The following MYO18B variants were observed in gnomAD, a reference collection of about 807,000 sequenced individuals.
The protein encoded by MYO18B is myosin XVIIIB, also known as unconventional myosin-XVIIIb.
A neutral mutation model predicts 273.0 loss-of-function variants in MYO18B; 204 were observed. The ratio of observed to expected loss-of-function variants is 0.75; its 90% CI spans 0.67 to 0.84. The LOEUF (loss-of-function observed/expected upper bound fraction) is 0.84, where lower values mean the gene tolerates loss of function less well. Among genes scored for constraint, MYO18B ranks in the 40% least tolerant of loss-of-function variants. The pLI is 0.00. For missense variants in MYO18B, 3,212 were observed against 3,287.6 expected, an observed-to-expected ratio of 0.98 and a Z score of 0.56; for synonymous variants, 1,330 against 1,305.7, an observed-to-expected ratio of 1.02 and a Z score of -0.40.
the MYO18B span, among the ~76,000 whole-genome samples, chr22:26,044,638 A>G: frequency 2.0e-5 from 3 of 152,230 alleles, no homozygotes; most frequent in Admixed American, 6.5e-5. Flanking sequence ...TCACTCATGT[A>G]TCTACTTCTT....
In MYO18B at chr22:25,777,784, A is replaced by G. The variant is rs1358655428; in HGVS notation, c.2068+3A>G. ...CAGTGTGGATGGCAGGGTCTCAGGT[A>G]TGGTGGTCTCTAGGTGACATGGAGA... On this transcript the variant is annotated splice_donor_region_variant and intron_variant, in intron 8 of 43. Coordinates refer to ENST00000335473, the MANE Select transcript of MYO18B (RefSeq NM_032608.7). 4 of 1,588,468 alleles carry G rather than the reference A, an allele frequency of 2.5e-6. No homozygotes were observed. Among genetic ancestry groups the G allele is most frequent in the Admixed American group, 1.8e-5 (1 of 57,024 alleles).
intron 1 of MYO18B, among the ~76,000 whole-genome samples, chr22:25,755,824 G>A (rs1034162635): frequency 2.0e-5 from 3 of 152,280 alleles, no homozygotes; most frequent in African/African-American, 7.2e-5. Context: ...AGCTCCCTGA[G>A]GCCTCAGCAG....
rs759233404 is a variant in MYO18B, at chr22:25,902,566, C to G, written c.4824-47C>G. On this transcript the variant is annotated intron_variant, in intron 29 of 43. Coordinates refer to ENST00000335473, the MANE Select transcript of MYO18B (RefSeq NM_032608.7). ...CCCTGCCCCTGCCTCAATCACTCCC[C>G]TGCCCACCTGCCTACGGGGCCCTGA... 1.1e-5 allele frequency: 17 copies of G among 1,578,146 alleles called. No homozygotes were observed. The South Asian group carries it at 2.0e-4, about 19-fold the overall frequency.
intron 39 of MYO18B, among the ~76,000 whole-genome samples, chr22:25,982,086 C>A (rs2093154629): frequency 6.6e-6 from 1 of 152,128 alleles, no homozygotes; most frequent in African/African-American, 2.4e-5. Context: ...GCTACCAGAT[C>A]TTATGAGATC....
the MYO18B span, among the ~76,000 whole-genome samples, chr22:26,059,106 G>A: frequency 4.0e-4 from 61 of 152,302 alleles, no homozygotes; most frequent in East Asian, 8.5e-3. Context: ...CAAAACCTTT[G>A]GGACTGTTTC....
rs1338277588 is a variant in MYO18B at position 25,742,229 on chromosome 22, G to A, written c.-174G>A. On this transcript the variant is annotated 5_prime_UTR_variant, in exon 1 of 44. Coordinates refer to ENST00000335473, the MANE Select transcript of MYO18B (RefSeq NM_032608.7). ...TTTCCCGGCTCGGTGGGGTCCCTTC[G>A]CGGCCACCCGGGGAGACGTCTTAGA... 6.6e-6 allele frequency: 1 copy of A among 152,442 alleles called. No homozygotes were observed. The highest frequency in any genetic ancestry group is 1.5e-5 in the Non-Finnish European group (1 of 68,302). The allele number at this position is 152,442 out of a possible 1,614,324, so 9.4% of individuals were successfully genotyped here. A position where few individuals can be genotyped will look rare whatever the true frequency, so the allele number is the denominator to read the frequency against.
intron 42 of MYO18B, among the ~76,000 whole-genome samples, chr22:26,010,427 A>G (rs989213774): frequency 6.6e-5 from 10 of 152,186 alleles, no homozygotes; most frequent in African/African-American, 2.4e-4. Context: ...GGGCCTGGAA[A>G]ACATACTTCA....
intron 17 of MYO18B, among the ~76,000 whole-genome samples, chr22:25,840,337 G>T (rs2090046292): frequency 6.6e-6 from 1 of 152,222 alleles, no homozygotes; most frequent in Non-Finnish European, 1.5e-5. Context: ...AGCTCCTTCT[G>T]CCTGGAGGGC....
intron 20 of MYO18B, among the ~76,000 whole-genome samples, chr22:25,849,309 A>G (rs752614645): frequency 3.3e-5 from 5 of 152,178 alleles, no homozygotes; most frequent in African/African-American, 9.7e-5. Flanking sequence ...CGAAGGGTTG[A>G]TATCTCATGG....
chr22:25,861,100 T>C (rs2090721005), intron 21 of MYO18B, among the ~76,000 whole-genome samples: 1 of 152,118 alleles, frequency 6.6e-6, no homozygotes, highest in Non-Finnish European at 1.5e-5. Flanking sequence ...CCTAGTCTGG[T>C]CTCGACCTCC....
intron 7 of MYO18B, among the ~76,000 whole-genome samples, chr22:25,774,590 G>T (rs1361882267): frequency 1.3e-5 from 2 of 152,198 alleles, no homozygotes; most frequent in Admixed American, 6.5e-5. Flanking sequence ...GTGCGGCACT[G>T]GTCCGCACCC....
the MYO18B span, among the ~76,000 whole-genome samples, chr22:26,056,666 C>T: frequency 6.6e-6 from 1 of 152,194 alleles, no homozygotes; most frequent in African/African-American, 2.4e-5. Context: ...CTACTCAGCT[C>T]TTCGTTCCCT....
chr22:25,813,523 C>T (rs777159308), intron 12 of MYO18B, among the ~76,000 whole-genome samples: 10 of 152,290 alleles, frequency 6.6e-5, no homozygotes, highest in Admixed American at 3.9e-4. Flanking sequence ...GTCAGCTCCA[C>T]TCAAGGGTTT....
intron 1 of MYO18B, among the ~76,000 whole-genome samples, chr22:25,749,784 G>C (rs2085882472): frequency 6.6e-6 from 1 of 152,190 alleles, no homozygotes; most frequent in Non-Finnish European, 1.5e-5. Flanking sequence ...GTAGGGTGCA[G>C]AGGGCTCACT....
intron 20 of MYO18B, among the ~76,000 whole-genome samples, chr22:25,849,098 C>T (rs2090344433): frequency 6.6e-6 from 1 of 152,222 alleles, no homozygotes; most frequent in African/African-American, 2.4e-5. Flanking sequence ...AGTGGCTGGT[C>T]CCCCACACTT....
At chr22:25,843,604 G>T (rs2145996055) in intron 17 of MYO18B, 131 bp from the exon 18 acceptor site, 1 of 800,482 alleles carries the variant, frequency 1.2e-6, no homozygotes. Context: ...GAGAAATGTG[G>T]GTGCCTTCGA....
Position 25,880,764 on chromosome 22 carries a change from A to C in MYO18B, c.4314+2716A>C, listed in dbSNP as rs1031264825. On this transcript the variant is annotated intron_variant, in intron 25 of 43. Coordinates refer to ENST00000335473, the MANE Select transcript of MYO18B (RefSeq NM_032608.7). The stretch of plus-strand genomic sequence containing the variant: ...GCTTGTCACACATGAAGTGCTACGG[A>C]TATGAAGCAGAAGGAGGTGACAGTG... Among the ~76,000 whole-genome samples the C allele has an allele frequency of 5.9e-5, 9 of 152,348 alleles. No individual in the cohort carries two copies. In the East Asian group the frequency reaches 1.7e-3, roughly 29 times the overall value.
the MYO18B span, among the ~76,000 whole-genome samples, chr22:26,060,166 T>C: frequency 6.6e-6 from 1 of 152,238 alleles, no homozygotes; most frequent in African/African-American, 2.4e-5. Flanking sequence ...GGCCACATTC[T>C]ACTCACTCCT....
At chr22:26,022,075 T>A (rs1935867696) in intron 42 of MYO18B, among the ~76,000 whole-genome samples, 1 of 152,052 alleles carries the variant, frequency 6.6e-6, no homozygotes, top group African/African-American at 2.4e-5. Context: ...TTCTGGAGCC[T>A]CTCCTTGAAG....
Sources: allele counts gnomAD v4.1 joint callset (sites outside exome capture counted in the v4.1 genomes callset), GRCh38; gene constraint gnomAD v4.1.1; transcripts MANE v1.5; gene names NCBI Gene and HGNC (gene_info 2026-07-23, HGNC 2026-07-21).